Variants in MGAT5 observed in about 807,000 individuals in gnomAD.
MGAT5 encodes alpha-1,6-mannosylglycoprotein 6-beta-N-acetylglucosaminyltransferase, also known as alpha-1,6-mannosylglycoprotein 6-beta-N-acetylglucosaminyltransferase A.
MGAT5 carries 30 observed loss-of-function variants against 94.3 expected under a neutral mutation model. The ratio of observed to expected loss-of-function variants is 0.32; its 90% confidence interval spans 0.24 to 0.43. The LOEUF (loss-of-function observed/expected upper bound fraction) is 0.43. MGAT5 is among the 20% of genes least tolerant of loss of function. The pLI is 1.00. For synonymous variants in MGAT5, 310 were observed against 322.9 expected (o/e 0.96, Z 0.43); for missense variants, 691 against 905.5 (o/e 0.76, Z 3.04).
chr2:134,317,119 G>A (rs950792365), intron 2 of MGAT5, among the ~76,000 whole-genome samples: 3 of 152,118 alleles, frequency 2.0e-5, no homozygotes, highest in African/African-American at 7.2e-5. Flanking sequence ...TCTTCACGAG[G>A]TCTGTTCATG....
intron 4 of MGAT5, among the ~76,000 whole-genome samples, chr2:134,328,929 G>C (rs936993173): frequency 3.9e-5 from 6 of 151,980 alleles, no homozygotes; most frequent in African/African-American, 1.2e-4. Context: ...AGGGTTTCAA[G>C]TAGAAGGAAG....
intron 13 of MGAT5, among the ~76,000 whole-genome samples, chr2:134,427,076 G>C (rs1034624996): frequency 6.6e-6 from 1 of 152,090 alleles, no homozygotes; most frequent in South Asian, 2.1e-4. Flanking sequence ...ACGAGAAAGG[G>C]GGAGATGATG....
chr2:134,142,894 A>G (rs1686723317), intron 1 of MGAT5, among the ~76,000 whole-genome samples: 1 of 151,960 alleles, frequency 6.6e-6, no homozygotes, highest in Non-Finnish European at 1.5e-5. Context: ...TGTTAGGATT[A>G]CATGTGTGAA....
Position 134,349,954 on chromosome 2 carries a change from T to G in MGAT5, c.1246+16T>G, listed in dbSNP as rs1201182116. ...ACCATGTTCCGTGAGTATTCCTGTT[T>G]CATGTATGCTTTCCAGAATGCCACC... On this transcript the variant is annotated intron_variant, in intron 9 of 15. Transcript: ENST00000281923. 6.2e-7 allele frequency: 1 copy of G among 1,612,340 alleles called. No homozygotes were observed. Among genetic ancestry groups the G allele is most frequent in the Non-Finnish European group, 8.5e-7 (1 of 1,178,980 alleles).
chr2:134,132,054 A>T (rs1250666504), intron 1 of MGAT5, among the ~76,000 whole-genome samples: 1 of 152,188 alleles, frequency 6.6e-6, no homozygotes, highest in Non-Finnish European at 1.5e-5. Flanking sequence ...TAAGCCACTG[A>T]GTTTGGGGTA....
intron 1 of MGAT5, among the ~76,000 whole-genome samples, chr2:134,220,301 G>T (rs889267826): frequency 6.6e-6 from 1 of 152,084 alleles, no homozygotes; most frequent in Non-Finnish European, 1.5e-5. Flanking sequence ...CATTCACTCC[G>T]TTTTTCTTTC....
chr2:134,254,589 A>C lies in MGAT5; in HGVS notation c.186A>C (p.Ala62=). Residue 62 remains alanine, a synonymous_variant, in exon 1 of 16, where the codon GCA becomes GCC. Coordinates refer to ENST00000281923, the MANE Select transcript of MGAT5 (RefSeq NM_002410.5). ...GCAAAAGGTACATCAAGGCACTGGC[A>C]GAAGAAAACAGGAATGTGGTGGATG... The part of the protein sequence containing the change: ...DLSKRYIKAL[A]EENRNVVDGP... The C allele has an allele frequency of 6.2e-7, 1 of 1,614,230 alleles. No individual in the cohort carries two copies. The highest frequency in any genetic ancestry group is 8.5e-7 in the Non-Finnish European group (1 of 1,180,038).
chr2:134,240,189 A>T (rs1681894774), intron 1 of MGAT5, among the ~76,000 whole-genome samples: 1 of 152,096 alleles, frequency 6.6e-6, no homozygotes, highest in Non-Finnish European at 1.5e-5. Context: ...CTTTATATTT[A>T]AGGTCAAATA....
intron 1 of MGAT5, among the ~76,000 whole-genome samples, chr2:134,135,401 G>A (rs62165675): frequency 0.12 from 18,558 of 152,054 alleles, 1,245 homozygotes; most frequent in East Asian, 0.2. Context: ...CATTTTTAAA[G>A]AAAGCAAACC....
At chr2:134,382,396 C>T (rs1484790615) in intron 10 of MGAT5, among the ~76,000 whole-genome samples, 2 of 152,208 alleles carry the variant, frequency 1.3e-5, no homozygotes, top group East Asian at 1.9e-4. Context: ...TCTATTGTGT[C>T]GAAATAGGAA....
intron 2 of MGAT5, among the ~76,000 whole-genome samples, chr2:134,301,921 C>T (rs16830372): frequency 3.3e-5 from 5 of 151,920 alleles, no homozygotes; most frequent in African/African-American, 9.7e-5. Flanking sequence ...TGAAAGAGAC[C>T]TGGGGGATGC....
intron 10 of MGAT5, among the ~76,000 whole-genome samples, chr2:134,396,674 A>G (rs2106271658): frequency 6.6e-6 from 1 of 152,296 alleles, no homozygotes; most frequent in South Asian, 2.1e-4. Flanking sequence ...ACAAGTCCAT[A>G]AGTCCTTTGT....
chr2:134,135,455 A>C (rs1042819847), intron 1 of MGAT5, among the ~76,000 whole-genome samples: 3 of 152,086 alleles, frequency 2.0e-5, no homozygotes, highest in African/African-American at 7.2e-5. Flanking sequence ...GCACTTTGGG[A>C]GGCAGAGGCG....
At chr2:134,415,544 C>T (rs1558870113) in intron 12 of MGAT5, among the ~76,000 whole-genome samples, 1 of 152,144 alleles carries the variant, frequency 6.6e-6, no homozygotes, top group Non-Finnish European at 1.5e-5. Flanking sequence ...ATGTGGTTTG[C>T]AAATATTTTC....
rs1251283029 is a variant in MGAT5 at position 134,284,289 on chromosome 2, AT to A, written c.406+13740del. ...GTCAGGGGTCAACAAACTGTGGCCC[AT>A]GGGCCAAATTAGTCCACTGCCTAAA... On this transcript the variant is annotated intron_variant, in intron 2 of 15. Transcript: ENST00000281923. Among the ~76,000 whole-genome samples, 9 of 152,308 alleles carry A rather than the reference AT, an allele frequency of 5.9e-5. No homozygotes were observed. The South Asian group carries it at 1.7e-3, about 28-fold the overall frequency.
chr2:134,194,115 C>T (rs1679378810), intron 1 of MGAT5, among the ~76,000 whole-genome samples: 1 of 152,202 alleles, frequency 6.6e-6, no homozygotes, highest in Non-Finnish European at 1.5e-5. Context: ...TTCTTTTTCT[C>T]TCCATCTTTC....
intron 10 of MGAT5, among the ~76,000 whole-genome samples, chr2:134,378,509 ACT>A (rs1164551931): frequency 6.6e-6 from 1 of 151,304 alleles, no homozygotes; most frequent in Non-Finnish European, 1.5e-5. Flanking sequence ...TGTGCCATTT[ACT>A]CTCTCTGTGC....
intron 1 of MGAT5, among the ~76,000 whole-genome samples, chr2:134,151,310 G>T (rs1278362000): frequency 6.4e-5 from 9 of 141,340 alleles, no homozygotes; most frequent in Admixed American, 5.0e-4. Flanking sequence ...ACTGCCATGG[G>T]ACCTCACTCA....
chr2:134,445,590 G>T (rs1035228785), intron 15 of MGAT5, among the ~76,000 whole-genome samples: 12 of 151,518 alleles, frequency 7.9e-5, no homozygotes, highest in African/African-American at 2.9e-4. Context: ...TCACAGCGTG[G>T]TCAGCCCCAT....
Sources: allele counts gnomAD v4.1 joint callset (sites outside exome capture counted in the v4.1 genomes callset), GRCh38; gene constraint gnomAD v4.1.1; transcripts MANE v1.5; gene names NCBI Gene and HGNC (gene_info 2026-07-23, HGNC 2026-07-21).